IFI16: variants seen among roughly 807,000 people sequenced by gnomAD.
IFI16 encodes the protein gamma-interferon-inducible protein 16.
A neutral mutation model predicts 68.4 loss-of-function variants in IFI16; 49 were observed. The ratio of observed to expected loss-of-function variants is 0.72; its 90% confidence interval spans 0.57 to 0.91. IFI16 has a LOEUF of 0.91. Among genes scored for constraint, IFI16 ranks in the 40% least tolerant of loss-of-function variants. IFI16 has a pLI of 0.00. For missense variants in IFI16, 878 were observed against 942.9 expected (o/e 0.93, Z 0.90); for synonymous variants, 307 against 315.0 (o/e 0.97, Z 0.27).
intron 6 of IFI16, among the ~76,000 whole-genome samples, chr1:159,029,801 C>T (rs1170027017): frequency 3.9e-5 from 6 of 151,902 alleles, no homozygotes; most frequent in African/African-American, 1.5e-4. Flanking sequence ...CTGGCTTAGC[C>T]TCCCAAGTAG....
upstream of IFI16, chr1:159,006,013 T>C (rs1652242607): frequency 6.6e-6 from 1 of 152,302 alleles, no homozygotes. Flanking sequence ...ATCTGACTTC[T>C]CTTGTTCCCG....
At chr1:159,048,959 C>T (rs988681724) in intron 8 of IFI16, among the ~76,000 whole-genome samples, 3 of 151,442 alleles carry the variant, frequency 2.0e-5, no homozygotes, top group East Asian at 1.9e-4. Flanking sequence ...GAGAATCTTC[C>T]TGTTATGGCT....
rs371043109 is a variant in IFI16 at position 159,020,293 on chromosome 1, T to G, written c.973-48T>G. 213 of 1,393,736 alleles carry G rather than the reference T, an allele frequency of 1.5e-4. No individual in the cohort carries two copies. The African/African-American group carries it at 2.8e-3, about 18-fold the overall frequency. 86.3% of individuals were successfully genotyped at this position (1,393,736 alleles called of 1,614,324 possible). Reference sequence around the variant, plus strand: ...GAAGGGACTTCAGCCTATATGTGGTTGTTATTAATTACATTCTCAGGAACA... The same window carrying G: ...GAAGGGACTTCAGCCTATATGTGGTGGTTATTAATTACATTCTCAGGAACA... On this transcript the variant is annotated intron_variant, in intron 5 of 11. Transcript: ENST00000295809.
upstream of IFI16, among the ~76,000 whole-genome samples, chr1:159,007,083 T>G (rs767170846): frequency 2.6e-5 from 4 of 152,138 alleles, no homozygotes; most frequent in African/African-American, 4.8e-5. Context: ...AAACCAAGTG[T>G]GACGAAAAAG....
chr1:159,001,537 A>C (rs1255184109), upstream of IFI16, among the ~76,000 whole-genome samples: 1 of 152,230 alleles, frequency 6.6e-6, no homozygotes, highest in Admixed American at 6.5e-5. Flanking sequence ...CATTTTCAAA[A>C]TAAGGAACAC....
At chr1:159,034,658 T>C (rs1414100532) in intron 7 of IFI16, among the ~76,000 whole-genome samples, 4 of 152,176 alleles carry the variant, frequency 2.6e-5, no homozygotes, top group Non-Finnish European at 5.9e-5. Context: ...CCTAAATCCC[T>C]TCCTAGAGCA....
chr1:159,017,701 G>A (rs757618007), intron 4 of IFI16, among the ~76,000 whole-genome samples: 1 of 151,906 alleles, frequency 6.6e-6, no homozygotes, highest in African/African-American at 2.4e-5. Context: ...TCCACCTCCC[G>A]GGTTCAAGTG....
intron 6 of IFI16, among the ~76,000 whole-genome samples, chr1:159,021,274 C>T (rs1467891873): frequency 6.6e-6 from 1 of 152,142 alleles, no homozygotes; most frequent in East Asian, 1.9e-4. Flanking sequence ...CCTGAGTCCC[C>T]AAAGTCCATT....
At chr1:159,012,887 A>AT (rs1174912981) in intron 1 of IFI16, among the ~76,000 whole-genome samples, 2 of 151,940 alleles carry the variant, frequency 1.3e-5, no homozygotes, top group African/African-American at 4.8e-5. Flanking sequence ...TCCATTGAAA[A>AT]TTTTTTTTGG....
chr1:159,052,993 C>A (rs1655456387), intron 10 of IFI16: 1 of 152,354 alleles, frequency 6.6e-6, no homozygotes, highest in Non-Finnish European at 1.5e-5. Context: ...TAATGAGCTA[C>A]AAACCAGAAC....
At chr1:159,042,379 A>G (rs535858006) in intron 7 of IFI16, among the ~76,000 whole-genome samples, 1 of 152,276 alleles carries the variant, frequency 6.6e-6, no homozygotes, top group African/African-American at 2.4e-5. Context: ...TGAATAATAA[A>G]TCCCCCAGTA....
At chr1:159,027,642 G>A (rs1239365045) in intron 6 of IFI16, among the ~76,000 whole-genome samples, 1 of 152,120 alleles carries the variant, frequency 6.6e-6, no homozygotes. Flanking sequence ...GAATTTAGCT[G>A]TGATTCCATC....
intron 6 of IFI16, among the ~76,000 whole-genome samples, chr1:159,029,757 T>G (rs545633753): frequency 2.6e-5 from 4 of 150,984 alleles, no homozygotes; most frequent in South Asian, 2.1e-4. Context: ...CTCGGAACAC[T>G]GCAACCTCCA....
Position 159,052,376 on chromosome 1 carries a change from C to G in IFI16, c.2085+278C>G. On this transcript the variant is annotated intron_variant, in intron 10 of 11. Transcript: ENST00000295809. ...TTTTGATGATCTATTCAGAGCCACCCTTGTCCAGGACAGTGCAGAGTTTAT... is the reference window on the plus strand; with the variant it reads ...TTTTGATGATCTATTCAGAGCCACCGTTGTCCAGGACAGTGCAGAGTTTAT... 4 of 417,548 alleles carry G rather than the reference C, an allele frequency of 9.6e-6. No individual in the cohort carries two copies. In the Middle Eastern group the frequency reaches 9.8e-4, roughly 102 times the overall value. 25.9% of individuals were successfully genotyped at this position (417,548 alleles called of 1,614,324 possible).
intron 1 of IFI16, among the ~76,000 whole-genome samples, chr1:159,013,598 T>G (rs898174947): frequency 6.6e-6 from 1 of 152,232 alleles, no homozygotes; most frequent in Admixed American, 6.5e-5. Context: ...TGTACAGGTG[T>G]TAAGAGGTCA....
rs1414112139 is a variant in IFI16, at chr1:159,045,804, C to A, written c.1497+340C>A. On this transcript the variant is annotated intron_variant, in intron 8 of 11. Transcript: ENST00000295809. ...GCCAACCATAACACTATCACTGATT[C>A]TTTCTCTTTCATTTATTATAACTCA... 2.6e-5 allele frequency among the ~76,000 whole-genome samples: 4 copies of A among 151,100 alleles called. 1 individual carries two copies. Among genetic ancestry groups the A allele is most frequent in the Non-Finnish European group, 5.9e-5 (4 of 67,622 alleles).
At chr1:159,030,397 TTTC>T (rs1015204728) in intron 6 of IFI16, among the ~76,000 whole-genome samples, 8 of 152,190 alleles carry the variant, frequency 5.3e-5, no homozygotes, top group African/African-American at 1.7e-4. Flanking sequence ...CAGGATTGTT[TTTC>T]TTCTTCCTTC....
chr1:159,045,504 A>T, intron 8 of IFI16, 40 bp downstream of exon 8: 1 of 1,603,750 alleles, frequency 6.2e-7, no homozygotes, highest in Non-Finnish European at 8.5e-7. Context: ...CCTCACTACA[A>T]TGTAATGACA....
intron 6 of IFI16, 152 bp downstream of exon 6, chr1:159,020,681 A>T (rs1377118057): frequency 1.4e-5 from 7 of 510,746 alleles, no homozygotes; most frequent in Non-Finnish European, 2.0e-5. Flanking sequence ...TACTTTTTTT[A>T]ATTTTTTTTT....
Sources: gnomAD v4.1 joint callset for allele counts (sites outside exome capture counted in the v4.1 genomes callset) on GRCh38, gnomAD v4.1.1 for gene constraint, MANE v1.5 for transcripts, NCBI Gene and HGNC (gene_info 2026-07-23, HGNC 2026-07-21) for gene names.